Variants in GSAP observed in about 807,000 individuals in gnomAD.
GSAP encodes gamma-secretase activating protein.
Under a neutral mutation model 131.7 loss-of-function variants are expected in GSAP, and 118 were observed. The observed-to-expected ratio is 0.90, with a 90% confidence interval of 0.77 to 1.04. The LOEUF is 1.04. Ranked by LOEUF, GSAP falls within the 50% of genes least tolerant of loss-of-function variation. The pLI is 0.00. For synonymous variants in GSAP, 381 were observed against 363.4 expected (o/e 1.05, Z -0.55); for missense variants, 1,019 against 1,013.2 (o/e 1.01, Z -0.08).
intron 22 of GSAP, among the ~76,000 whole-genome samples, chr7:77,327,671 A>G (rs770898781): frequency 9.2e-5 from 14 of 152,236 alleles, no homozygotes; most frequent in Non-Finnish European, 2.1e-4. Flanking sequence ...ATGAGGCACG[A>G]AAGTGTTCTT....
chr7:77,349,964 T>C (rs900101287), intron 18 of GSAP, among the ~76,000 whole-genome samples: 2 of 152,080 alleles, frequency 1.3e-5, no homozygotes, highest in Admixed American at 6.5e-5. Flanking sequence ...TAAAGACACA[T>C]GCACACGTAT....
At chr7:77,367,545 G>A (rs1016228526) in intron 12 of GSAP, among the ~76,000 whole-genome samples, 5 of 152,174 alleles carry the variant, frequency 3.3e-5, no homozygotes, top group South Asian at 2.1e-4. Flanking sequence ...GCCTCCCAGG[G>A]ATGAAACCTA....
At chr7:77,333,140 G>A (rs6948316) in intron 19 of GSAP, among the ~76,000 whole-genome samples, 29,413 of 152,054 alleles carry the variant, frequency 0.19, 3,052 homozygotes, top group Non-Finnish European at 0.2. Context: ...GCACTCCAGC[G>A]TGGCGACAGT....
intron 19 of GSAP, among the ~76,000 whole-genome samples, chr7:77,343,747 T>C (rs1791367243): frequency 6.6e-6 from 1 of 152,218 alleles, no homozygotes. Flanking sequence ...CAAATGGTTC[T>C]TAGACCAAGG....
In GSAP at chr7:77,381,199, TAAAG is replaced by T. The variant is rs540848821; in HGVS notation, c.576+102_576+105del. The T allele has an allele frequency of 1.1e-3, 604 of 528,352 alleles. 1 individual carries two copies. Among genetic ancestry groups the T allele is most frequent in the African/African-American group, 0.011 (559 of 50,360 alleles). The allele number at this position is 528,352 out of a possible 1,614,324, so 32.7% of individuals were successfully genotyped here. On this transcript the variant is annotated intron_variant, in intron 8 of 30. Coordinates refer to ENST00000257626, the MANE Select transcript of GSAP (RefSeq NM_017439.4). Reference sequence around the variant, plus strand: ...AGTCTATACTTCAAAAGTCATCAAATAAAGAAAACATTATATATCAATAACATTA... The same window carrying T: ...AGTCTATACTTCAAAAGTCATCAAATAAAACATTATATATCAATAACATTA...
At position 77,355,606 on chromosome 7, in the gene GSAP, G is replaced by A. The variant is rs1793566019; in HGVS notation, c.1069C>T (p.Leu357=). 1.2e-6 allele frequency: 2 copies of A among 1,609,044 alleles called. No individual in the cohort carries two copies. Among genetic ancestry groups the A allele is most frequent in the Admixed American group, 1.7e-5 (1 of 59,968 alleles). ...AGGTCTGGATGTTGAACATTAAGTA[G>A]GTGGAAGAAATGACCAGGTAAGTAA... The part of the protein sequence containing the change: ...AVYLPGHFFH[L]LNVQHPDLIC... Residue 357 remains leucine (L), a synonymous_variant, in exon 15 of 31, where the codon CTA becomes TTA. Transcript: ENST00000257626.
intron 3 of GSAP, among the ~76,000 whole-genome samples, chr7:77,403,531 C>T (rs1434369776): frequency 6.6e-6 from 1 of 152,120 alleles, no homozygotes; most frequent in Non-Finnish European, 1.5e-5. Context: ...TAGACAAAGC[C>T]TGTCACATCA....
At chr7:77,389,970 G>A (rs933887480) in intron 5 of GSAP, among the ~76,000 whole-genome samples, 2 of 152,160 alleles carry the variant, frequency 1.3e-5, no homozygotes, top group African/African-American at 4.8e-5. Flanking sequence ...TTTAATGATT[G>A]CCATTCTAAC....
At chr7:77,317,006 C>T (rs1795033654) in intron 26 of GSAP, among the ~76,000 whole-genome samples, 1 of 152,154 alleles carries the variant, frequency 6.6e-6, no homozygotes, top group African/African-American at 2.4e-5. Flanking sequence ...AAACAGTCAT[C>T]ATTAGTCCAA....
At chr7:77,320,342 A>G (rs1287109632) in intron 26 of GSAP, among the ~76,000 whole-genome samples, 4 of 152,198 alleles carry the variant, frequency 2.6e-5, no homozygotes, top group Admixed American at 6.5e-5. Flanking sequence ...CTCCAAGCGT[A>G]TAAGAATCAG....
chr7:77,381,271 A>T (rs1172667511), intron 8 of GSAP, 34 bp downstream of exon 8: 2 of 1,315,756 alleles, frequency 1.5e-6, no homozygotes, highest in Non-Finnish European at 1.1e-6. Flanking sequence ...GGGAAAAAAA[A>T]ACCTATGAAG....
intron 5 of GSAP, among the ~76,000 whole-genome samples, chr7:77,389,117 G>T (rs1231771686): frequency 1.3e-5 from 2 of 152,138 alleles, no homozygotes; most frequent in African/African-American, 4.8e-5. Flanking sequence ...GTTGAGAGGT[G>T]AGTATGTGGG....
chr7:77,317,007 A>G (rs1562886661), intron 26 of GSAP, among the ~76,000 whole-genome samples: 1 of 152,184 alleles, frequency 6.6e-6, no homozygotes, highest in Non-Finnish European at 1.5e-5. Context: ...AACAGTCATC[A>G]TTAGTCCAAT....
At chr7:77,353,049 A>AG (rs570569453) in intron 17 of GSAP, 23 bp from the exon 18 acceptor site, 1 of 1,329,874 alleles carries the variant, frequency 7.5e-7, no homozygotes, top group South Asian at 1.2e-5. Context: ...TTTTTGAAAC[A>AG]GGGGGAAAAA....
At position 77,362,671 on chromosome 7, in the gene GSAP, A is replaced by G. The variant is rs773827421; in HGVS notation, c.872-11T>C. 2 of 1,496,196 alleles carry G rather than the reference A, an allele frequency of 1.3e-6. No individual in the cohort carries two copies. The highest frequency in any genetic ancestry group is 3.4e-5 in the Admixed American group (2 of 59,640). The allele number at this position is 1,496,196 out of a possible 1,614,324, so 92.7% of individuals were successfully genotyped here. A position where few individuals can be genotyped will look rare whatever the true frequency, so the allele number is the denominator to read the frequency against. ...ATACACACAAACTTCCTAGAAGAAAAAGGATATTTAGTAGAGTTTAACAGA... is the reference window on the plus strand; with the variant it reads ...ATACACACAAACTTCCTAGAAGAAAGAGGATATTTAGTAGAGTTTAACAGA... On this transcript the variant is annotated splice_polypyrimidine_tract_variant and intron_variant, in intron 12 of 30. Transcript: ENST00000257626.
chr7:77,363,205 G>A (rs1358871838), intron 12 of GSAP, among the ~76,000 whole-genome samples: 2 of 152,244 alleles, frequency 1.3e-5, no homozygotes, highest in East Asian at 3.8e-4. Context: ...CAAGGCCAAA[G>A]GAGAGCTCTT....
rs1195391598 is a variant in GSAP, at chr7:77,320,823, G to A, written c.1995-4C>T. 4 of 1,587,738 alleles carry A rather than the reference G, an allele frequency of 2.5e-6. No homozygotes were observed. Among genetic ancestry groups the A allele is most frequent in the Non-Finnish European group, 3.5e-6 (4 of 1,156,512 alleles). On this transcript the variant is annotated splice_region_variant and splice_polypyrimidine_tract_variant and intron_variant, in intron 25 of 30. Coordinates refer to ENST00000257626, the MANE Select transcript of GSAP (RefSeq NM_017439.4). ...AGCAGCACTGCCACGACTATTGCTG[G>A]GTAAAAAAAACAAAGCAGCATGTCA...
At chr7:77,336,631 G>A (rs1247801970) in intron 19 of GSAP, among the ~76,000 whole-genome samples, 1 of 152,126 alleles carries the variant, frequency 6.6e-6, no homozygotes, top group Non-Finnish European at 1.5e-5. Flanking sequence ...TGGGACTACA[G>A]GCGCCTGCCA....
intron 5 of GSAP, among the ~76,000 whole-genome samples, chr7:77,396,254 G>GA (rs951145840): frequency 1.3e-3 from 193 of 151,132 alleles, no homozygotes; most frequent in African/African-American, 4.1e-3. Flanking sequence ...GTTAAAAATG[G>GA]AAAAAAAACA....
Sources: allele counts gnomAD v4.1 joint callset (sites outside exome capture counted in the v4.1 genomes callset), GRCh38; gene constraint gnomAD v4.1.1; transcripts MANE v1.5; gene names NCBI Gene and HGNC (gene_info 2026-07-23, HGNC 2026-07-21).